The following SH3GL3 variants were observed in gnomAD, a reference collection of about 807,000 sequenced individuals.
SH3GL3 encodes SH3 domain containing GRB2 like 3, endophilin A3, also known as endophilin-A3.
Under a neutral mutation model 47.7 loss-of-function variants are expected in SH3GL3, and 33 were observed. The observed-to-expected ratio is 0.69, with a 90% CI of 0.52 to 0.92. The LOEUF (loss-of-function observed/expected upper bound fraction) is 0.92. Ranked by LOEUF, SH3GL3 falls within the 40% of genes least tolerant of loss-of-function variation. The probability of loss-of-function intolerance (pLI) is 0.00; values close to 1 mark genes in which losing one functional copy is unlikely to be tolerated. For missense variants in SH3GL3, 363 were observed against 417.8 expected (o/e 0.87, Z 1.14); for synonymous variants, 155 against 148.8 (o/e 1.04, Z -0.30).
intron 1 of SH3GL3, among the ~76,000 whole-genome samples, chr15:83,464,482 G>A (rs1229758417): frequency 6.6e-6 from 1 of 152,058 alleles, no homozygotes; most frequent in African/African-American, 2.4e-5. Context: ...CCTGGATACA[G>A]ACACACAAAT....
chr15:83,459,945 C>T (rs1007589252), intron 1 of SH3GL3, among the ~76,000 whole-genome samples: 1 of 150,292 alleles, frequency 6.7e-6, no homozygotes, highest in Non-Finnish European at 1.5e-5. Flanking sequence ...GTTTCCCCCC[C>T]ACCCCCAGTT....
intron 1 of SH3GL3, among the ~76,000 whole-genome samples, chr15:83,482,863 C>T (rs139333641): frequency 9.4e-4 from 143 of 152,230 alleles, no homozygotes; most frequent in African/African-American, 3.2e-3. Flanking sequence ...TCCTTTGATA[C>T]GCAAGCTAGT....
intron 1 of SH3GL3, among the ~76,000 whole-genome samples, chr15:83,535,095 T>TAA (rs202168897): frequency 1.4e-5 from 2 of 139,770 alleles, no homozygotes; most frequent in South Asian, 2.2e-4. Flanking sequence ...ACCATCTATG[T>TAA]AAAAAAAAGG....
At chr15:83,569,146 C>T (rs951360510) in intron 4 of SH3GL3, among the ~76,000 whole-genome samples, 1 of 152,168 alleles carries the variant, frequency 6.6e-6, no homozygotes, top group Non-Finnish European at 1.5e-5. Flanking sequence ...ATCCGCCTGC[C>T]TCGGCCTCCC....
chr15:83,450,129 G>T (rs1032144476), intron 1 of SH3GL3, among the ~76,000 whole-genome samples: 1 of 152,106 alleles, frequency 6.6e-6, no homozygotes, highest in Admixed American at 6.5e-5. Context: ...CTGGACCTTG[G>T]TTTCTATCTG....
intron 1 of SH3GL3, among the ~76,000 whole-genome samples, chr15:83,528,255 C>A (rs1258239203): frequency 6.6e-6 from 1 of 152,170 alleles, no homozygotes; most frequent in Non-Finnish European, 1.5e-5. Flanking sequence ...TGGCTTTTGA[C>A]AGTATGCTAC....
In SH3GL3 at chr15:83,447,516, C is replaced by A; in HGVS notation, c.-18C>A. On this transcript the variant is annotated 5_prime_UTR_variant, in exon 1 of 9. It adds an upstream start codon to the 5' untranslated region. Coordinates refer to ENST00000427482, the MANE Select transcript of SH3GL3 (RefSeq NM_003027.5). The surrounding 1 kb of genome is among the most constrained non-coding windows in gnomAD (Gnocchi z 5.1). Reference sequence around the variant, plus strand: ...GCCGAGCCTTGAGACCACCCCGCCCCTGCCGGTCGCAGTCGCGATGTCGGT... The same window carrying A: ...GCCGAGCCTTGAGACCACCCCGCCCATGCCGGTCGCAGTCGCGATGTCGGT... 1 of 1,500,918 alleles carries A rather than the reference C, an allele frequency of 6.7e-7. No homozygotes were observed. Among genetic ancestry groups the A allele is most frequent in the Non-Finnish European group, 8.9e-7 (1 of 1,123,166 alleles). The allele number at this position is 1,500,918 out of a possible 1,614,324, so 93.0% of individuals were successfully genotyped here.
intron 6 of SH3GL3, among the ~76,000 whole-genome samples, chr15:83,582,198 T>C (rs1317953316): frequency 6.6e-6 from 1 of 152,248 alleles, no homozygotes; most frequent in Non-Finnish European, 1.5e-5. Flanking sequence ...AACTTACTAG[T>C]AGCAAATGTA....
At position 83,529,381 on chromosome 15, in the gene SH3GL3, G is replaced by A. The variant is rs76258698; in HGVS notation, c.46-29872G>A. On this transcript the variant is annotated intron_variant, in intron 1 of 8. Coordinates refer to ENST00000427482, the MANE Select transcript of SH3GL3 (RefSeq NM_003027.5). Reference sequence around the variant, plus strand: ...GCCCCTGGGCAGTGTGTGTGGCATGGGAGATAGTAGTACCAGTGGCAGGAC... The same window carrying A: ...GCCCCTGGGCAGTGTGTGTGGCATGAGAGATAGTAGTACCAGTGGCAGGAC... Among the ~76,000 whole-genome samples, 865 of 152,184 alleles carry A rather than the reference G, an allele frequency of 5.7e-3. 6 individuals carry two copies. The highest frequency in any genetic ancestry group is 0.02 in the African/African-American group (830 of 41,516).
At chr15:83,612,261 G>T (rs7177330) in intron 8 of SH3GL3, among the ~76,000 whole-genome samples, 3 of 152,126 alleles carry the variant, frequency 2.0e-5, no homozygotes, top group South Asian at 2.1e-4. Flanking sequence ...TAGATGTGAG[G>T]GGGGTTTACA....
chr15:83,614,902 G>T (rs906764161), intron 8 of SH3GL3, among the ~76,000 whole-genome samples: 1 of 152,082 alleles, frequency 6.6e-6, no homozygotes. Flanking sequence ...GGACAAAGGG[G>T]CATCTCATTT....
At chr15:83,538,467 T>G (rs897631118) in intron 1 of SH3GL3, among the ~76,000 whole-genome samples, 19 of 152,208 alleles carry the variant, frequency 1.2e-4, no homozygotes, top group African/African-American at 4.6e-4. Context: ...CAGTTCAAGA[T>G]ATAGAACATT....
chr15:83,594,972 A>G (rs1207777787), intron 8 of SH3GL3, among the ~76,000 whole-genome samples: 1 of 152,216 alleles, frequency 6.6e-6, no homozygotes, highest in African/African-American at 2.4e-5. Context: ...AAGCAGAACT[A>G]TCATTTGACC....
downstream of SH3GL3, among the ~76,000 whole-genome samples, chr15:83,619,786 CTG>C (rs949984453): frequency 6.6e-6 from 1 of 152,204 alleles, no homozygotes; most frequent in Non-Finnish European, 1.5e-5. Flanking sequence ...GTTGGGGTGT[CTG>C]TGGCAATTTC....
intron 1 of SH3GL3, among the ~76,000 whole-genome samples, chr15:83,460,691 G>T (rs992808395): frequency 6.6e-6 from 1 of 152,162 alleles, no homozygotes; most frequent in Non-Finnish European, 1.5e-5. Flanking sequence ...TATGTGTGCG[G>T]ATGTGTTTAT....
chr15:83,479,415 G>A (rs1040250386), intron 1 of SH3GL3, among the ~76,000 whole-genome samples: 8 of 152,054 alleles, frequency 5.3e-5, no homozygotes, highest in Admixed American at 1.3e-4. Flanking sequence ...GGAGAGTGAC[G>A]GGGAGGAGAT....
chr15:83,470,953 A>C lies in SH3GL3; in HGVS notation c.45+23375A>C, dbSNP rs548870350. 4.6e-5 allele frequency among the ~76,000 whole-genome samples: 7 copies of C among 152,284 alleles called. No homozygotes were observed. The South Asian group carries it at 1.4e-3, about 32-fold the overall frequency. Reference sequence around the variant, plus strand: ...CCTTCCCTATTTATAATATAATTTCATTAAATATTTCTTCTATATACATTT... The same window carrying C: ...CCTTCCCTATTTATAATATAATTTCCTTAAATATTTCTTCTATATACATTT... On this transcript the variant is annotated intron_variant, in intron 1 of 8. Transcript: ENST00000427482.
rs577552172 is a variant in SH3GL3 at position 83,466,582 on chromosome 15, G to A, written c.45+19004G>A. Reference sequence around the variant, plus strand: ...GGTACTACTTTGCAGGTATCAAGGGGAAAGGCATGCTACGCTGAATCTGTT... The same window carrying A: ...GGTACTACTTTGCAGGTATCAAGGGAAAAGGCATGCTACGCTGAATCTGTT... On this transcript the variant is annotated intron_variant, in intron 1 of 8. Coordinates refer to ENST00000427482, the MANE Select transcript of SH3GL3 (RefSeq NM_003027.5). Among the ~76,000 whole-genome samples the A allele has an allele frequency of 2.0e-5, 3 of 152,286 alleles. No homozygotes were observed. The East Asian group carries it at 5.8e-4, about 29-fold the overall frequency.
intron 1 of SH3GL3, among the ~76,000 whole-genome samples, chr15:83,476,844 G>C (rs920267044): frequency 6.6e-5 from 10 of 152,180 alleles, no homozygotes; most frequent in Non-Finnish European, 1.3e-4. Flanking sequence ...TATAAGTCTG[G>C]GCAATTGAAG....
Sources: allele counts gnomAD v4.1 joint callset (sites outside exome capture counted in the v4.1 genomes callset), GRCh38; gene constraint gnomAD v4.1.1; non-coding constraint Gnocchi (gnomAD v3.1); transcripts MANE v1.5; gene names NCBI Gene and HGNC (gene_info 2026-07-23, HGNC 2026-07-21).